Variants in GGTA1 observed in about 807,000 individuals in gnomAD.
GGTA1 encodes inactive N-acetyllactosaminide alpha-1,3-galactosyltransferase.
GGTA1 carries 5 observed loss-of-function variants against 2.6 expected under a neutral mutation model. The ratio of observed to expected loss-of-function variants is 1.92; its 90% confidence interval spans 1.00 to 4.04. The LOEUF (loss-of-function observed/expected upper bound fraction) is 4.04. Ranked by LOEUF, GGTA1 falls within the 30% of genes most tolerant of loss-of-function variation. The pLI, the probability that GGTA1 is intolerant of heterozygous loss-of-function variation, is 0.00. For missense variants in GGTA1, 50 were observed against 16.7 expected, an observed-to-expected ratio of 2.99 and a Z score of -3.47; for synonymous variants, 17 against 5.0, an observed-to-expected ratio of 3.38 and a Z score of -3.19.
intron 1 of GGTA1, among the ~76,000 whole-genome samples, chr9:121,486,031 A>G (rs1828748009): frequency 6.6e-6 from 1 of 152,196 alleles, no homozygotes; most frequent in African/African-American, 2.4e-5. Flanking sequence ...ACATCCACAA[A>G]ACAAAGGTTT....
chr9:121,495,354 T>C (rs1202038797), intron 1 of GGTA1, among the ~76,000 whole-genome samples: 1 of 151,806 alleles, frequency 6.6e-6, no homozygotes, highest in African/African-American at 2.4e-5. Context: ...GAGACCAGCC[T>C]GGACAACACG....
downstream of GGTA1, among the ~76,000 whole-genome samples, chr9:121,450,282 G>C (rs940985220): frequency 6.6e-6 from 1 of 151,376 alleles, no homozygotes; most frequent in Non-Finnish European, 1.5e-5. Context: ...CTGGGACTTC[G>C]AGAAAAATCT....
intron 5 of GGTA1, 93 bp downstream of exon 5, chr9:121,460,011 G>A: frequency 2.4e-6 from 1 of 415,998 alleles, no homozygotes; most frequent in East Asian, 7.1e-5. Flanking sequence ...CCTAAATCAG[G>A]AATGTTCTCA....
rs907044843 is a variant in GGTA1 at position 121,476,020 on chromosome 9, T to C, written c.-9-8089A>G. Reference sequence around the variant, plus strand: ...TTCTAACACCCTCCTCAAAGGGTTCTTGAAAGCATACTGTGCCCATGGTCT... The same window carrying C: ...TTCTAACACCCTCCTCAAAGGGTTCCTGAAAGCATACTGTGCCCATGGTCT... On this transcript the variant is annotated intron_variant, in intron 1 of 5. Transcript: ENST00000481799. The surrounding 1 kb of genome is among the most constrained non-coding windows in gnomAD (Gnocchi z 4.6). Among the ~76,000 whole-genome samples the C allele has an allele frequency of 1.7e-4, 26 of 152,178 alleles. No individual in the cohort carries two copies. Among genetic ancestry groups the C allele is most frequent in the African/African-American group, 6.3e-4 (26 of 41,438 alleles).
At chr9:121,496,623 T>G (rs1828997365) in intron 1 of GGTA1, among the ~76,000 whole-genome samples, 1 of 146,824 alleles carries the variant, frequency 6.8e-6, no homozygotes, top group African/African-American at 2.5e-5. Context: ...TCCCAGCTAC[T>G]CAGGAGGCTG....
At position 121,493,547 on chromosome 9, in the gene GGTA1, A is replaced by C. The variant is rs372334141; in HGVS notation, c.-10+6103T>G. Reference sequence around the variant, plus strand: ...CATGGTCTTACTTCTGAAACTATGCATCAGTGTAGAGAAATCTTATCATAA... The same window carrying C: ...CATGGTCTTACTTCTGAAACTATGCCTCAGTGTAGAGAAATCTTATCATAA... On this transcript the variant is annotated intron_variant, in intron 1 of 5. Transcript: ENST00000481799. Among the ~76,000 whole-genome samples the C allele has an allele frequency of 1.2e-4, 18 of 152,238 alleles. No homozygotes were observed. In the South Asian group the frequency reaches 2.7e-3, roughly 23 times the overall value.
intron 1 of GGTA1, 96 bp downstream of exon 1, chr9:121,499,554 C>T (rs1306475074): frequency 6.6e-6 from 1 of 152,546 alleles, no homozygotes; most frequent in East Asian, 1.9e-4. Flanking sequence ...AGCGGCCCGC[C>T]TCCACTCCCT....
chr9:121,460,340 G>A, intron 4 of GGTA1, 121 bp from the exon 5 acceptor site: 1 of 393,158 alleles, frequency 2.5e-6, no homozygotes, highest in Non-Finnish European at 5.0e-6. Context: ...TAAGTGAACT[G>A]ACCAGAAAAA....
chr9:121,492,717 G>A (rs12000380), intron 1 of GGTA1, among the ~76,000 whole-genome samples: 6,618 of 151,616 alleles, frequency 0.044, 173 homozygotes, highest in East Asian at 0.12. Flanking sequence ...CAGGTGATCC[G>A]CCCGCCTCGG....
chr9:121,453,115 G>A (rs1018175833), downstream of GGTA1, among the ~76,000 whole-genome samples: 26 of 152,212 alleles, frequency 1.7e-4, no homozygotes, highest in African/African-American at 5.5e-4. Context: ...GTGGGAACCT[G>A]GTCATTGGAC....
At chr9:121,465,779 A>G (rs1057435770) in intron 2 of GGTA1, among the ~76,000 whole-genome samples, 3 of 152,186 alleles carry the variant, frequency 2.0e-5, no homozygotes, top group Non-Finnish European at 4.4e-5. Context: ...TAAAATGATG[A>G]TGAGGAAGAG....
intron 5 of GGTA1, among the ~76,000 whole-genome samples, chr9:121,459,199 G>C (rs948063074): frequency 3.9e-5 from 6 of 152,172 alleles, no homozygotes; most frequent in Non-Finnish European, 7.3e-5. Context: ...GCTCACACCT[G>C]TAATCCCAGC....
At chr9:121,459,600 T>A (rs925374281) in intron 5 of GGTA1, among the ~76,000 whole-genome samples, 5 of 152,128 alleles carry the variant, frequency 3.3e-5, no homozygotes, top group Non-Finnish European at 7.4e-5. Flanking sequence ...TCCACATGCA[T>A]TCCTAATGGA....
chr9:121,485,745 G>T (rs1828743765), intron 1 of GGTA1, among the ~76,000 whole-genome samples: 1 of 152,106 alleles, frequency 6.6e-6, no homozygotes, highest in South Asian at 2.1e-4. Flanking sequence ...CAGGGCCTTG[G>T]GCTTTATTTT....
downstream of GGTA1, among the ~76,000 whole-genome samples, chr9:121,451,448 G>A (rs2064877926): frequency 6.6e-6 from 1 of 152,166 alleles, no homozygotes; most frequent in African/African-American, 2.4e-5. Flanking sequence ...GCCTCCCAAA[G>A]TGCTGGGATT....
At chr9:121,491,474 G>T (rs1194069600) in intron 1 of GGTA1, among the ~76,000 whole-genome samples, 2 of 152,074 alleles carry the variant, frequency 1.3e-5, no homozygotes, top group Admixed American at 1.3e-4. Context: ...CTCTCTACCC[G>T]GTTCCCCCTA....
chr9:121,477,795 G>A (rs920281262), intron 1 of GGTA1, among the ~76,000 whole-genome samples: 1 of 151,768 alleles, frequency 6.6e-6, no homozygotes, highest in Non-Finnish European at 1.5e-5. Flanking sequence ...GGCCATGATG[G>A]TCTCGATTTC....
intron 3 of GGTA1, 100 bp downstream of exon 3, chr9:121,463,193 C>A: frequency 2.3e-6 from 1 of 431,392 alleles, no homozygotes; most frequent in Non-Finnish European, 4.5e-6. Flanking sequence ...CGACTTTGGC[C>A]GAACACCATG....
intron 5 of GGTA1, among the ~76,000 whole-genome samples, chr9:121,456,950 G>A (rs2064916616): frequency 6.6e-6 from 1 of 152,192 alleles, no homozygotes; most frequent in Non-Finnish European, 1.5e-5. Flanking sequence ...GGAATTACAG[G>A]CATGAGCCAC....
Sources: allele counts gnomAD v4.1 joint callset (sites outside exome capture counted in the v4.1 genomes callset), GRCh38; gene constraint gnomAD v4.1.1; non-coding constraint Gnocchi (gnomAD v3.1); transcripts MANE v1.5; gene names NCBI Gene and HGNC (gene_info 2026-07-23, HGNC 2026-07-21).